Variants in SCAF1 observed in about 807,000 individuals in gnomAD.
SCAF1 encodes SR-related CTD associated factor 1.
In SCAF1, 28 loss-of-function variants were observed where a neutral mutation model predicts 91.2. The ratio of observed to expected loss-of-function variants is 0.31; its 90% CI spans 0.23 to 0.42. SCAF1 has a LOEUF of 0.42. Among genes scored for constraint, SCAF1 ranks in the 10% least tolerant of loss-of-function variants. The pLI, the probability that SCAF1 is intolerant of heterozygous loss-of-function variation, is 1.00. For synonymous variants in SCAF1, 1,036 were observed against 833.7 expected, an observed-to-expected ratio of 1.24 and a Z score of -4.18; for missense variants, 1,893 against 1,872.1, an observed-to-expected ratio of 1.01 and a Z score of -0.21.
intron 6 of SCAF1, among the ~76,000 whole-genome samples, chr19:49,648,181 C>G (rs904151215): frequency 6.6e-6 from 1 of 151,782 alleles, no homozygotes; most frequent in African/African-American, 2.4e-5. Flanking sequence ...GGTCTAGTCT[C>G]TCTGCAACCT....
Position 49,652,239 on chromosome 19 carries a change from C to T in SCAF1, c.1850C>T (p.Pro617Leu), listed in dbSNP as rs1291354131. The change falls in exon 7 of 11, where the codon CCG becomes CTG. Residue 617 changes from proline (P) to leucine (L), a missense_variant. By Grantham distance (98) the Pro-to-Leu change is moderately conservative (BLOSUM62 -3). Transcript: ENST00000360565. ...CGGCGGCGCTCCGCCTCCCCGCCCC[C>T]GGCCACTTCCTCATCGTCGTCCTCG... is the stretch of plus-strand genomic sequence containing the variant. ...RRRRRSASPP[P>L]ATSSSSSSRR... is the part of the protein sequence containing the mutation. 1.2e-5 allele frequency: 17 copies of T among 1,398,502 alleles called. No individual in the cohort carries two copies. The highest frequency in any genetic ancestry group is 3.0e-5 in the East Asian group (1 of 33,482). 86.6% of individuals were successfully genotyped at this position (1,398,502 alleles called of 1,614,324 possible).
intron 8 of SCAF1, 100 bp from the exon 9 acceptor site, chr19:49,654,552 G>T: frequency 7.4e-7 from 1 of 1,354,734 alleles, no homozygotes; most frequent in Non-Finnish European, 1.0e-6. Flanking sequence ...GGAGCCTGTT[G>T]CCTCAGCTGT....
chr19:49,654,998 G>A, intron 9 of SCAF1, 128 bp downstream of exon 9: 1 of 718,348 alleles, frequency 1.4e-6, no homozygotes, highest in Non-Finnish European at 2.2e-6. Flanking sequence ...AGAGACCAAA[G>A]TCATGGAACC....
Position 49,653,265 on chromosome 19 carries a change from CGGA to C in SCAF1, c.2881_2883del (p.Glu961del). On this transcript the variant is annotated inframe_deletion, in exon 7 of 11. Coordinates refer to ENST00000360565, the MANE Select transcript of SCAF1 (RefSeq NM_021228.3). ...AGCCAGGCGGCAGGCACCAAGGGGG[CGGA>C]GGAGACTTCCTGGTCCGGGGAGGAG... 1 of 1,481,010 alleles carries C rather than the reference CGGA, an allele frequency of 6.8e-7. No individual in the cohort carries two copies. The highest frequency in any genetic ancestry group is 9.0e-7 in the Non-Finnish European group (1 of 1,114,102). The allele number at this position is 1,481,010 out of a possible 1,614,324, so 91.7% of individuals were successfully genotyped here. A position where few individuals can be genotyped will look rare whatever the true frequency, so the allele number is the denominator to read the frequency against.
rs199943753 is a variant in SCAF1 at position 49,653,158 on chromosome 19, C to T, written c.2769C>T (p.Thr923=). Residue 923 remains threonine (T), a synonymous_variant, in exon 7 of 11, where the codon ACC becomes ACT. Coordinates refer to ENST00000360565, the MANE Select transcript of SCAF1 (RefSeq NM_021228.3). The stretch of plus-strand genomic sequence containing the variant: ...AGGGAAAGACCAAGCCATCCAAGAC[C>T]AGGAAAAAGGTCCGCAGTGGAGGTG... ...GTKGKTKPSK[T]RKKVRSGGGS... is the part of the protein sequence containing the mutation. The T allele has an allele frequency of 6.2e-7, 1 of 1,603,064 alleles. No homozygotes were observed. The highest frequency in any genetic ancestry group is 1.3e-5 in the African/African-American group (1 of 74,674).
intron 8 of SCAF1, 58 bp downstream of exon 8, chr19:49,654,489 TAGG>T: frequency 6.5e-7 from 1 of 1,542,996 alleles, no homozygotes; most frequent in Non-Finnish European, 8.9e-7. Flanking sequence ...TGCCTCGGGT[TAGG>T]AGAGGAACCG....
At chr19:49,658,123 C>A (rs143322306) in intron 10 of SCAF1, 85 bp from the exon 11 acceptor site, 3 of 1,422,884 alleles carry the variant, frequency 2.1e-6, no homozygotes, top group South Asian at 1.3e-5. Flanking sequence ...CTCCTCCTAC[C>A]GCAGTTCCAA....
upstream of SCAF1, among the ~76,000 whole-genome samples, chr19:49,641,210 G>A (rs1221080436): frequency 6.6e-6 from 1 of 152,194 alleles, no homozygotes; most frequent in Admixed American, 6.5e-5. Context: ...GAGGGAGGAG[G>A]GAAATAGGAG....
intron 6 of SCAF1, among the ~76,000 whole-genome samples, chr19:49,648,453 C>G (rs2081067513): frequency 6.6e-6 from 1 of 151,440 alleles, no homozygotes; most frequent in South Asian, 2.1e-4. Flanking sequence ...GAGATGAGGT[C>G]TTGATATGTT....
rs752202548 is a variant in SCAF1 at position 49,645,110 on chromosome 19, G to T, written c.84G>T (p.Thr28=). The T allele has an allele frequency of 4.3e-6, 7 of 1,613,980 alleles. No homozygotes were observed. Among genetic ancestry groups the T allele is most frequent in the Non-Finnish European group, 5.1e-6 (6 of 1,179,986 alleles). ...RGDGPPDRDP[T]LSPSAFILRA... The stretch of plus-strand genomic sequence containing the variant: ...ATGGTCCGCCAGACAGAGACCCCAC[G>T]CTTTCTCCTTCTGCCTTTATCCTGG... The change falls in exon 2 of 11, where the codon ACG becomes ACT. Residue 28 remains threonine, a synonymous_variant. Transcript: ENST00000360565. This position sits in a 1 kb window ranked among gnomAD's most constrained non-coding sequence, Gnocchi z 4.6.
intron 9 of SCAF1, among the ~76,000 whole-genome samples, chr19:49,655,876 G>T (rs1275397490): frequency 6.6e-6 from 1 of 152,054 alleles, no homozygotes; most frequent in Non-Finnish European, 1.5e-5. Flanking sequence ...TCACTATGTT[G>T]CCCAGGCTGG....
Position 49,651,371 on chromosome 19 carries a change from C to G in SCAF1, c.982C>G (p.Gln328Glu), listed in dbSNP as rs751804087. Residue 328 changes from glutamine to glutamate, a missense_variant, in exon 7 of 11, where the codon CAG becomes GAG. Gln to Glu is a conservative substitution (Grantham distance 29). This residue lies in a region of SCAF1 where 1,436 missense variants were observed against 1,306.8 expected (regional missense o/e 1.10). Coordinates refer to ENST00000360565, the MANE Select transcript of SCAF1 (RefSeq NM_021228.3). The part of the protein sequence containing the change: ...ESPRPDAQPT[Q>E]PTPAPGTPPQ... ...CCCCCGCCCGGACGCGCAGCCCACACAGCCGACTCCCGCCCCTGGAACGCC... is the reference window on the plus strand; with the variant it reads ...CCCCCGCCCGGACGCGCAGCCCACAGAGCCGACTCCCGCCCCTGGAACGCC... 6.2e-7 allele frequency: 1 copy of G among 1,608,040 alleles called. No individual in the cohort carries two copies. The highest frequency in any genetic ancestry group is 1.1e-5 in the South Asian group (1 of 91,020).
chr19:49,651,720 A>G lies in SCAF1; in HGVS notation c.1331A>G (p.Asp444Gly). The G allele has an allele frequency of 1.5e-6, 2 of 1,376,830 alleles. No homozygotes were observed. Among genetic ancestry groups the G allele is most frequent in the Non-Finnish European group, 9.3e-7 (1 of 1,076,264 alleles). The allele number at this position is 1,376,830 out of a possible 1,614,324, so 85.3% of individuals were successfully genotyped here. A position where few individuals can be genotyped will look rare whatever the true frequency, so the allele number is the denominator to read the frequency against. Reference sequence around the variant, plus strand: ...CCCGCTCCGCGGGCCCCCGAGGGGGACGACTTCTTGTCCCTGCATGCGGAG... The same window carrying G: ...CCCGCTCCGCGGGCCCCCGAGGGGGGCGACTTCTTGTCCCTGCATGCGGAG... ...QPPAPRAPEG[D>G]DFLSLHAESD... is the part of the protein sequence containing the mutation. The change falls in exon 7 of 11, where the codon GAC (aspartate) becomes GGC (glycine). Residue 444 changes from aspartate to glycine, a missense_variant. Physicochemically the swap from Asp to Gly is moderately conservative, Grantham distance 94 (BLOSUM62 -1). Transcript: ENST00000360565.
At chr19:49,641,523 G>C (rs1397044022), upstream of SCAF1, among the ~76,000 whole-genome samples, 5 of 152,132 alleles carry the variant, frequency 3.3e-5, no homozygotes, top group Admixed American at 2.6e-4. Context: ...CACCATGTTG[G>C]TCAGGCTGGT....
rs777548460 is a variant in SCAF1, at chr19:49,652,727, C to G, written c.2338C>G (p.Arg780Gly). ...RKALDGGDRD[R>G]DRDRDRDRDR... ...GGCGCTGGACGGGGGTGACCGGGAT[C>G]GGGACAGGGACAGAGATAGGGACAG... The change falls in exon 7 of 11, where the codon CGG becomes GGG. Residue 780 changes from arginine (R) to glycine (G), a missense_variant. This residue lies in a region of SCAF1 where 1,436 missense variants were observed against 1,306.8 expected (regional missense o/e 1.10). Transcript: ENST00000360565. 1.6e-5 allele frequency: 25 copies of G among 1,599,166 alleles called. No individual in the cohort carries two copies. Among genetic ancestry groups the G allele is most frequent in the Non-Finnish European group, 2.0e-5 (24 of 1,173,202 alleles).
In SCAF1 at chr19:49,652,147, C is replaced by G; in HGVS notation, c.1758C>G (p.Arg586=). The change falls in exon 7 of 11, where the codon CGC becomes CGG. Residue 586 remains arginine, a synonymous_variant. Transcript: ENST00000360565. ...SRSRSRSTRR[R]SRSTDRRRGG... is the part of the protein sequence containing the mutation. ...CCCGCTCCCGCTCCACCCGCCGCCG[C>G]TCGCGCAGCACCGACCGCCGCCGCG... 2 of 1,096,652 alleles carry G rather than the reference C, an allele frequency of 1.8e-6. No individual in the cohort carries two copies. Among genetic ancestry groups the G allele is most frequent in the Non-Finnish European group, 1.1e-6 (1 of 898,788 alleles). The allele number at this position is 1,096,652 out of a possible 1,614,324, so 67.9% of individuals were successfully genotyped here. A position where few individuals can be genotyped will look rare whatever the true frequency, so the allele number is the denominator to read the frequency against.
chr19:49,657,642 C>T, intron 9 of SCAF1, 119 bp from the exon 10 acceptor site: 5 of 1,283,190 alleles, frequency 3.9e-6, no homozygotes, highest in Non-Finnish European at 5.3e-6. Flanking sequence ...GACTTCCAGC[C>T]TGAGAGCAGC....
chr19:49,658,428 C>T lies in SCAF1; in HGVS notation c.*29C>T. The T allele has an allele frequency of 1.5e-6, 2 of 1,291,352 alleles. No homozygotes were observed. The highest frequency in any genetic ancestry group is 2.1e-6 in the Non-Finnish European group (2 of 938,600). 80.0% of individuals were successfully genotyped at this position (1,291,352 alleles called of 1,614,324 possible). On this transcript the variant is annotated 3_prime_UTR_variant, in exon 11 of 11. Coordinates refer to ENST00000360565, the MANE Select transcript of SCAF1 (RefSeq NM_021228.3). ...CCCTGGCCAGCTCTTCGCCCCTCAC[C>T]TCTTTGAAACTCTGGACGTATTTAT...
intron 7 of SCAF1, among the ~76,000 whole-genome samples, chr19:49,654,063 G>C (rs1415866427): frequency 6.6e-6 from 1 of 152,158 alleles, no homozygotes; most frequent in Non-Finnish European, 1.5e-5. Context: ...GAGAGGTTGG[G>C]ACTGGCCACA....
Sources: gnomAD v4.1 joint callset for allele counts (sites outside exome capture counted in the v4.1 genomes callset) on GRCh38, gnomAD v4.1.1 for gene constraint, gnomAD v4.1.1 regional missense constraint, Gnocchi (gnomAD v3.1) non-coding constraint, MANE v1.5 for transcripts, NCBI Gene and HGNC (gene_info 2026-07-23, HGNC 2026-07-21) for gene names.